The following DPP6 variants were observed in gnomAD, a reference collection of about 807,000 sequenced individuals.
DPP6 encodes the protein A-type potassium channel modulatory protein DPP6.
A neutral mutation model predicts 122.6 loss-of-function variants in DPP6; 69 were observed. That is an observed-to-expected ratio of 0.56 (90% CI 0.46 to 0.69). The LOEUF (loss-of-function observed/expected upper bound fraction) is 0.69, where lower values mean the gene tolerates loss of function less well. DPP6 is among the 30% of genes least tolerant of loss of function. DPP6 has a pLI of 0.00. For synonymous variants in DPP6, 418 were observed against 433.1 expected, an observed-to-expected ratio of 0.97 and a Z score of 0.43; for missense variants, 928 against 1,116.9, an observed-to-expected ratio of 0.83 and a Z score of 2.41.
chr7:153,855,154 GGT>G, the DPP6 span, among the ~76,000 whole-genome samples: 1 of 147,354 alleles, frequency 6.8e-6, no homozygotes, highest in Non-Finnish European at 1.5e-5. Flanking sequence ...CAAGTTAGTG[GGT>G]GCAGCGCACC....
intron 16 of DPP6, among the ~76,000 whole-genome samples, chr7:154,850,025 A>G (rs191456549): frequency 7.9e-5 from 12 of 152,346 alleles, no homozygotes; most frequent in African/African-American, 2.4e-4. Context: ...TTTATGATGA[A>G]TGATCCTTTT....
At chr7:153,985,279 A>T (rs1167217727) in intron 1 of DPP6, among the ~76,000 whole-genome samples, 2 of 152,174 alleles carry the variant, frequency 1.3e-5, no homozygotes, top group African/African-American at 4.8e-5. Flanking sequence ...GAGGGAGAGG[A>T]ATCAAGAGGG....
intron 8 of DPP6, among the ~76,000 whole-genome samples, chr7:154,762,692 T>C (rs1013337263): frequency 6.6e-6 from 1 of 152,242 alleles, no homozygotes; most frequent in Non-Finnish European, 1.5e-5. Context: ...GAAGGCTTCC[T>C]GTGATCCTCC....
intron 5 of DPP6, among the ~76,000 whole-genome samples, chr7:154,573,395 C>T (rs895983135): frequency 1.3e-5 from 2 of 152,142 alleles, no homozygotes; most frequent in Non-Finnish European, 1.5e-5. Flanking sequence ...CAGCAGGAGG[C>T]GAGTCTCACC....
At chr7:153,910,163 C>G (rs1800018223) in intron 1 of DPP6, among the ~76,000 whole-genome samples, 1 of 151,998 alleles carries the variant, frequency 6.6e-6, no homozygotes, top group Admixed American at 6.6e-5. Flanking sequence ...CAAGGAACTT[C>G]CAAGAGTGGA....
Position 154,755,574 on chromosome 7 carries a change from A to G in DPP6, c.884-13843A>G, listed in dbSNP as rs1843623114. On this transcript the variant is annotated intron_variant, in intron 8 of 25. Transcript: ENST00000377770. This position sits in a 1 kb window ranked among gnomAD's most constrained non-coding sequence, Gnocchi z 4.7. ...ATTAAATGAGTTAACCCATCTACGC[A>G]GTTAGAGCCGGCTTGGCGTGTGCTG... 6.6e-6 allele frequency among the ~76,000 whole-genome samples: 1 copy of G among 152,200 alleles called. No individual in the cohort carries two copies. The highest frequency in any genetic ancestry group is 2.4e-5 in the African/African-American group (1 of 41,434).
intron 1 of DPP6, among the ~76,000 whole-genome samples, chr7:154,255,363 G>A (rs2150903938): frequency 6.6e-6 from 1 of 152,378 alleles, no homozygotes; most frequent in Non-Finnish European, 1.5e-5. Context: ...GTTATCTGAA[G>A]GTTGACAAGG....
At chr7:154,077,340 C>T (rs1397005140) in intron 1 of DPP6, among the ~76,000 whole-genome samples, 1 of 152,212 alleles carries the variant, frequency 6.6e-6, no homozygotes, top group Non-Finnish European at 1.5e-5. Flanking sequence ...ACCTCTGCAA[C>T]GAGCTTGTCC....
At chr7:154,810,718 C>T (rs538485406) in intron 16 of DPP6, among the ~76,000 whole-genome samples, 1 of 151,886 alleles carries the variant, frequency 6.6e-6, no homozygotes, top group African/African-American at 2.4e-5. Context: ...CTGACCCGGA[C>T]CCCAGGTACA....
intron 5 of DPP6, among the ~76,000 whole-genome samples, chr7:154,581,334 A>C (rs1225754410): frequency 6.6e-6 from 1 of 152,060 alleles, no homozygotes; most frequent in African/African-American, 2.4e-5. Context: ...TTGTGTGGGG[A>C]AAAGGAGACA....
intron 1 of DPP6, among the ~76,000 whole-genome samples, chr7:154,080,520 C>G (rs1803913568): frequency 6.6e-6 from 1 of 152,078 alleles, no homozygotes; most frequent in South Asian, 2.1e-4. Flanking sequence ...ATATACCATT[C>G]CTGCCTGTGC....
At chr7:154,275,553 T>C (rs1424379795) in intron 1 of DPP6, among the ~76,000 whole-genome samples, 2 of 152,218 alleles carry the variant, frequency 1.3e-5, no homozygotes, top group Non-Finnish European at 2.9e-5. Flanking sequence ...GCAAACTATG[T>C]TGCAGGTTTT....
intron 17 of DPP6, among the ~76,000 whole-genome samples, chr7:154,865,791 T>A (rs765816327): frequency 6.6e-6 from 1 of 152,116 alleles, no homozygotes; most frequent in Non-Finnish European, 1.5e-5. Flanking sequence ...CCTGTTTAGT[T>A]TCCTGGGGCC....
chr7:154,098,740 G>A (rs1209166652), intron 1 of DPP6, among the ~76,000 whole-genome samples: 1 of 151,262 alleles, frequency 6.6e-6, no homozygotes, highest in African/African-American at 2.4e-5. Context: ...GGAGAAGAAA[G>A]AGGAATGGCC....
intron 16 of DPP6, among the ~76,000 whole-genome samples, chr7:154,827,826 A>G (rs1240696136): frequency 6.6e-6 from 1 of 151,340 alleles, no homozygotes; most frequent in Non-Finnish European, 1.5e-5. Context: ...GAGTGAGGAG[A>G]AGGTGTCTGC....
chr7:153,927,808 C>A, intron 1 of DPP6, among the ~76,000 whole-genome samples: 1 of 152,146 alleles, frequency 6.6e-6, no homozygotes, highest in East Asian at 1.9e-4. Flanking sequence ...GAGGGTGGGG[C>A]TTTCAGGTAA....
At chr7:154,063,053 C>T (rs1236267841) in intron 1 of DPP6, among the ~76,000 whole-genome samples, 1 of 121,920 alleles carries the variant, frequency 8.2e-6, no homozygotes. Context: ...AGGCACCCCC[C>T]ACGAGAGTGG....
At chr7:154,550,745 G>GT (rs1829564842) in intron 4 of DPP6, among the ~76,000 whole-genome samples, 1 of 133,070 alleles carries the variant, frequency 7.5e-6, no homozygotes, top group South Asian at 2.4e-4. Context: ...TAGAATTTTA[G>GT]TTCTTTTTTT....
At chr7:154,718,620 T>C (rs181396004) in intron 7 of DPP6, among the ~76,000 whole-genome samples, 42 of 150,362 alleles carry the variant, frequency 2.8e-4, no homozygotes, top group African/African-American at 1.0e-3. Context: ...GCCTGGGTTT[T>C]AGACTTCCTC....
Sources: allele counts gnomAD v4.1 joint callset (sites outside exome capture counted in the v4.1 genomes callset), GRCh38; gene constraint gnomAD v4.1.1; non-coding constraint Gnocchi (gnomAD v3.1); transcripts MANE v1.5; gene names NCBI Gene and HGNC (gene_info 2026-07-23, HGNC 2026-07-21).